FHIT: variants seen among roughly 807,000 people sequenced by gnomAD.
The protein encoded by FHIT is bis(5'-adenosyl)-triphosphatase.
A neutral mutation model predicts 17.9 loss-of-function variants in FHIT; 19 were observed. That is an observed-to-expected ratio of 1.06 (90% confidence interval 0.74 to 1.56). The LOEUF (loss-of-function observed/expected upper bound fraction) is 1.56, where lower values mean the gene tolerates loss of function less well. Among genes scored for constraint, FHIT ranks in the 40% most tolerant of loss-of-function variants. FHIT has a pLI of 0.00. For synonymous variants in FHIT, 81 were observed against 69.7 expected, an observed-to-expected ratio of 1.16 and a Z score of -0.81; for missense variants, 248 against 189.2, an observed-to-expected ratio of 1.31 and a Z score of -1.82.
Position 60,373,475 on chromosome 3 carries a change from C to T in FHIT, c.103+163385G>A, listed in dbSNP as rs948103052. Among the ~76,000 whole-genome samples the T allele has an allele frequency of 2.0e-5, 3 of 152,138 alleles. No individual in the cohort carries two copies. In the East Asian group the frequency reaches 5.8e-4, roughly 29 times the overall value. ...AGACTAGGCAGAGAATAAGCAGAGC[C>T]ACCATCATAGGAGCTCAGAGGCCAT... On this transcript the variant is annotated intron_variant, in intron 5 of 9. Coordinates refer to ENST00000492590, the MANE Select transcript of FHIT (RefSeq NM_002012.4).
intron 2 of FHIT, among the ~76,000 whole-genome samples, chr3:61,149,258 A>G (rs974957701): frequency 1.3e-5 from 2 of 152,140 alleles, no homozygotes; most frequent in Admixed American, 6.6e-5. Flanking sequence ...GGAAAAGAAG[A>G]GAAGGGTTTA....
chr3:59,977,454 C>T (rs1028100837), intron 7 of FHIT, among the ~76,000 whole-genome samples: 1 of 152,126 alleles, frequency 6.6e-6, no homozygotes, highest in Non-Finnish European at 1.5e-5. Flanking sequence ...ATGTACAACC[C>T]TAGTAGAAGA....
chr3:60,831,203 C>G (rs1702315091), intron 3 of FHIT, among the ~76,000 whole-genome samples: 1 of 151,988 alleles, frequency 6.6e-6, no homozygotes, highest in African/African-American at 2.4e-5. Context: ...AGGAGATTCT[C>G]AAAATGGCAC....
intron 4 of FHIT, 138 bp from the exon 5 acceptor site, chr3:60,537,117 G>A (rs2036012915): frequency 2.9e-6 from 2 of 690,242 alleles, no homozygotes; most frequent in Non-Finnish European, 2.2e-6. Context: ...CTCATTGAAT[G>A]TTCACCAAGA....
At chr3:59,860,770 G>T (rs144029945) in intron 8 of FHIT, among the ~76,000 whole-genome samples, 186 of 152,232 alleles carry the variant, frequency 1.2e-3, no homozygotes, top group Non-Finnish European at 2.1e-3. Context: ...TGTCAGATAA[G>T]GTGTGAGGAA....
chr3:61,108,484 G>C (rs1371093), intron 2 of FHIT, among the ~76,000 whole-genome samples: 14,125 of 152,242 alleles, frequency 0.093, 795 homozygotes, highest in East Asian at 0.21. Flanking sequence ...CATAATAAAT[G>C]AATGTTAATT....
chr3:60,256,576 G>A (rs1251473392), intron 5 of FHIT, among the ~76,000 whole-genome samples: 3 of 152,166 alleles, frequency 2.0e-5, no homozygotes, highest in Admixed American at 6.6e-5. Flanking sequence ...CTTGCCTGAG[G>A]TTACACAACT....
intron 4 of FHIT, among the ~76,000 whole-genome samples, chr3:60,570,443 T>C (rs1291221770): frequency 6.6e-6 from 1 of 151,934 alleles, no homozygotes; most frequent in African/African-American, 2.4e-5. Flanking sequence ...AGTGTTGAGG[T>C]AGGAAAGGGA....
chr3:60,758,921 C>T (rs548376689), intron 4 of FHIT, among the ~76,000 whole-genome samples: 1 of 152,076 alleles, frequency 6.6e-6, no homozygotes, highest in South Asian at 2.1e-4. Flanking sequence ...ACAGAGTAGG[C>T]CTTTCTTAAA....
chr3:60,124,047 G>GAC lies in FHIT; in HGVS notation c.104-109896_104-109895insGT, dbSNP rs1559653958. ...AGAGAGAGAGAGAGAGAGAGAGAGAGAGAGAGAGACAGAGAGAGAGAGAGA... is the reference window on the plus strand; with the variant it reads ...AGAGAGAGAGAGAGAGAGAGAGAGAGACAGAGAGAGACAGAGAGAGAGAGAGA... On this transcript the variant is annotated intron_variant, in intron 5 of 9. Transcript: ENST00000492590. 2.6e-4 allele frequency among the ~76,000 whole-genome samples: 30 copies of GAC among 117,238 alleles called. 1 individual carries two copies. The highest frequency in any genetic ancestry group is 8.1e-4 in the African/African-American group (25 of 31,020). 76.9% of individuals were successfully genotyped at this position (117,238 alleles called of 152,430 possible).
At chr3:60,699,808 T>G (rs1164959104) in intron 4 of FHIT, among the ~76,000 whole-genome samples, 1 of 151,670 alleles carries the variant, frequency 6.6e-6, no homozygotes, top group African/African-American at 2.4e-5. Flanking sequence ...GAAAAATCAT[T>G]TTAATTTTAA....
chr3:60,183,555 T>G (rs137993832), intron 5 of FHIT, among the ~76,000 whole-genome samples: 13 of 152,298 alleles, frequency 8.5e-5, no homozygotes, highest in African/African-American at 3.1e-4. Context: ...TCCACAGACT[T>G]GACCAGAGGT....
At chr3:61,007,647 G>A (rs527539728) in intron 3 of FHIT, among the ~76,000 whole-genome samples, 24 of 152,154 alleles carry the variant, frequency 1.6e-4, no homozygotes, top group South Asian at 4.2e-4. Context: ...TGAAGGAAAC[G>A]TGGGTTCCCT....
chr3:60,234,697 A>G (rs555656839), intron 5 of FHIT, among the ~76,000 whole-genome samples: 5 of 152,144 alleles, frequency 3.3e-5, no homozygotes, highest in Non-Finnish European at 5.9e-5. Context: ...AGATTTTCCC[A>G]TTGACCTATA....
chr3:60,850,506 T>C (rs1457076328), intron 3 of FHIT, among the ~76,000 whole-genome samples: 1 of 152,108 alleles, frequency 6.6e-6, no homozygotes, highest in African/African-American at 2.4e-5. Flanking sequence ...ATTTTGTTAA[T>C]AGCTCTCATT....
intron 3 of FHIT, among the ~76,000 whole-genome samples, chr3:60,974,609 G>C (rs1015307319): frequency 6.6e-6 from 1 of 152,106 alleles, no homozygotes; most frequent in African/African-American, 2.4e-5. Flanking sequence ...TTCAGACCTG[G>C]AACCAAGAGT....
intron 2 of FHIT, among the ~76,000 whole-genome samples, chr3:61,074,401 A>C (rs986810775): frequency 1.3e-5 from 2 of 152,234 alleles, no homozygotes; most frequent in African/African-American, 4.8e-5. Flanking sequence ...GCAGAGGTTG[A>C]ACACTGGTGA....
intron 2 of FHIT, among the ~76,000 whole-genome samples, chr3:61,183,963 G>C (rs896889189): frequency 1.1e-4 from 16 of 151,980 alleles, no homozygotes; most frequent in Admixed American, 8.5e-4. Context: ...CCATTTTGAA[G>C]CGCCCTCCAT....
intron 4 of FHIT, among the ~76,000 whole-genome samples, chr3:60,787,115 A>G (rs66481821): frequency 0.058 from 8,754 of 152,220 alleles, 276 homozygotes; most frequent in South Asian, 0.093. Flanking sequence ...TCTAGCTACA[A>G]TTCCCAAGGA....
Sources: allele counts gnomAD v4.1 joint callset (sites outside exome capture counted in the v4.1 genomes callset), GRCh38; gene constraint gnomAD v4.1.1; transcripts MANE v1.5; gene names NCBI Gene and HGNC (gene_info 2026-07-23, HGNC 2026-07-21).